Variants in F8 observed in about 807,000 individuals in gnomAD.
F8 encodes antihemophilic factor.
A neutral mutation model predicts 140.6 loss-of-function variants in F8; 12 were observed. The ratio of observed to expected loss-of-function variants is 0.09; its 90% CI spans 0.05 to 0.14. The LOEUF (loss-of-function observed/expected upper bound fraction) is 0.14. F8 is among the 10% of genes least tolerant of loss of function. F8 has a pLI of 1.00. For synonymous variants in F8, 585 were observed against 614.6 expected (o/e 0.95, Z 0.71); for missense variants, 1,354 against 1,720.7 (o/e 0.79, Z 3.77).
intron 1 of F8, among the ~76,000 whole-genome samples, chrX:155,018,284 T>C (rs1557287220): frequency 8.9e-6 from 1 of 112,258 alleles, no homozygotes; most frequent in African/African-American, 3.2e-5. Context: ...AATAAAGGTA[T>C]ATGGAGCTAG....
chrX:154,876,277 A>G (rs113438177), intron 22 of F8, among the ~76,000 whole-genome samples: 1,252 of 108,446 alleles, frequency 0.012, 21 homozygotes, highest in African/African-American at 0.031. Context: ...CCACCACCAC[A>G]CCCAGCTAAT....
chrX:154,860,711 C>A (rs28370248), intron 24 of F8, 103 bp from the exon 25 acceptor site: 21,433 of 804,000 alleles, frequency 0.027, 281 homozygotes, highest in Non-Finnish European at 0.032. Flanking sequence ...ACTCTACTTT[C>A]TTTTTTGAGA....
intron 1 of F8, among the ~76,000 whole-genome samples, chrX:155,004,097 C>T (rs2073664405): frequency 9.1e-6 from 1 of 110,065 alleles, no homozygotes; most frequent in African/African-American, 3.3e-5. Flanking sequence ...GGGAAAAACA[C>T]TTTATCCATA....
chrX:154,881,484 T>C (rs1293629092), intron 22 of F8, among the ~76,000 whole-genome samples: 3 of 109,485 alleles, frequency 2.7e-5, no homozygotes, highest in African/African-American at 1.0e-4. Flanking sequence ...TGACCACTCT[T>C]TATACACTAT....
chrX:154,904,142 C>T, intron 17 of F8, 54 bp from the exon 18 acceptor site: 1 of 1,168,990 alleles, frequency 8.6e-7, no homozygotes, highest in Admixed American at 2.2e-5. Flanking sequence ...GTTTCTTTCT[C>T]TCCACTCCAC....
At chrX:154,919,625 T>C (rs947482564) in intron 14 of F8, 9 of 712,357 alleles carry the variant, frequency 1.3e-5, no homozygotes, top group Admixed American at 5.7e-5. Context: ...TTCATTTCTG[T>C]CTTCAGCATC....
chrX:154,959,020 T>C (rs2073380959), intron 10 of F8, among the ~76,000 whole-genome samples: 3 of 111,814 alleles, frequency 2.7e-5, no homozygotes, highest in African/African-American at 9.8e-5. Context: ...GAGAATATAC[T>C]TCCAGAAAAA....
At chrX:155,008,864 GC>G in intron 1 of F8, among the ~76,000 whole-genome samples, 1 of 109,293 alleles carries the variant, frequency 9.1e-6, no homozygotes, top group South Asian at 4.0e-4. Context: ...GGACACAGAG[GC>G]CTGGACATGT....
chrX:154,931,591 G>C lies in F8; in HGVS notation c.2199C>G (p.Asn733Lys). Residue 733 changes from asparagine to lysine, a missense_variant, in exon 14 of 26, where the codon AAC becomes AAG. By Grantham distance (94) the Asn-to-Lys change is moderately conservative. Coordinates refer to ENST00000360256, the MANE Select transcript of F8 (RefSeq NM_000132.4). ...ALLKVSSCDK[N>K]TGDYYEDSYE... ...AACTGTCCTCGTAATAATCACCAGT[G>C]TTCTTGTCACAACTAGAAACCTTCA... is the stretch of plus-strand genomic sequence containing the variant. The C allele has an allele frequency of 8.3e-7, 1 of 1,211,252 alleles. No homozygotes were observed. Among genetic ancestry groups the C allele is most frequent in the Non-Finnish European group, 1.1e-6 (1 of 895,042 alleles).
At chrX:154,867,791 A>G (rs2072743784) in intron 22 of F8, among the ~76,000 whole-genome samples, 1 of 110,681 alleles carries the variant, frequency 9.0e-6, no homozygotes, top group Non-Finnish European at 1.9e-5. Flanking sequence ...AAAATCCTCA[A>G]CAAAACACCA....
At chrX:154,939,336 C>A (rs188044045) in intron 13 of F8, among the ~76,000 whole-genome samples, 4 of 112,358 alleles carry the variant, frequency 3.6e-5, no homozygotes, top group Non-Finnish European at 7.5e-5. Flanking sequence ...GCTCTTCCAA[C>A]GGGCTTAACA....
rs782721130 is a variant in F8, at chrX:154,961,091, T to A, written c.1521A>T (p.Ser507=). 8.4e-7 allele frequency: 1 copy of A among 1,197,061 alleles called. No individual in the cohort carries two copies. Among genetic ancestry groups the A allele is most frequent in the Admixed American group, 2.2e-5 (1 of 46,018 alleles). ...AATATTTACCTTTTGGTAATCTCCTTGAATACAAAGGACGGACATCAGTGA... is the reference window on the plus strand; with the variant it reads ...AATATTTACCTTTTGGTAATCTCCTAGAATACAAAGGACGGACATCAGTGA... ...HGITDVRPLY[S]RRLPKGVKHL... Residue 507 remains serine (S), a synonymous_variant, in exon 10 of 26, where the codon TCA becomes TCT. Coordinates refer to ENST00000360256, the MANE Select transcript of F8 (RefSeq NM_000132.4).
At chrX:154,839,402 G>A (rs914994942) in intron 25 of F8, among the ~76,000 whole-genome samples, 11 of 101,722 alleles carry the variant, frequency 1.1e-4, no homozygotes, top group African/African-American at 2.6e-4. Flanking sequence ...TCGCTCTGTC[G>A]CCCAGGCTGG....
At chrX:154,974,162 G>C (rs915810693) in intron 6 of F8, among the ~76,000 whole-genome samples, 2 of 112,044 alleles carry the variant, frequency 1.8e-5, no homozygotes, top group East Asian at 5.6e-4. Flanking sequence ...TGGATGTCTT[G>C]CCTAATTGCT....
In F8 at chrX:154,876,320, C is replaced by CGT. The variant is rs201742795; in HGVS notation, c.6430-13095_6430-13094dup. Among the ~76,000 whole-genome samples, 808 of 109,916 alleles carry CGT rather than the reference C, an allele frequency of 7.4e-3. 12 individuals carry two copies. Among genetic ancestry groups the CGT allele is most frequent in the African/African-American group, 0.024 (734 of 30,131 alleles). Reference sequence around the variant, plus strand: ...ATTTTTAGTAGAGACGGTGTTTCACCGTGTTAGCCAGGATGGTCTCAATCT... The same window carrying CGT: ...ATTTTTAGTAGAGACGGTGTTTCACCGTGTGTTAGCCAGGATGGTCTCAATCT... On this transcript the variant is annotated intron_variant, in intron 22 of 25. Coordinates refer to ENST00000360256, the MANE Select transcript of F8 (RefSeq NM_000132.4).
At chrX:154,855,752 C>T (rs2072646746) in intron 25 of F8, among the ~76,000 whole-genome samples, 1 of 110,376 alleles carries the variant, frequency 9.1e-6, no homozygotes, top group Non-Finnish European at 1.9e-5. Flanking sequence ...TCCTTCAGGA[C>T]CCACCCTACC....
Position 154,930,964 on chromosome X carries a change from G to A in F8, c.2826C>T (p.Gly942=). 1.7e-6 allele frequency: 2 copies of A among 1,192,831 alleles called. No individual in the cohort carries two copies. The highest frequency in any genetic ancestry group is 2.3e-6 in the Non-Finnish European group (2 of 886,929). ...YDSQLDTTLF[G]KKSSPLTESG... is the part of the protein sequence containing the mutation. ...ACTCAGTAAGGGGAGATGACTTTTT[G>A]CCAAATAGAGTGGTATCTAATTGAC... The change falls in exon 14 of 26, where the codon GGC becomes GGT. Residue 942 remains glycine, a synonymous_variant. Coordinates refer to ENST00000360256, the MANE Select transcript of F8 (RefSeq NM_000132.4).
chrX:154,835,908 T>A lies in F8; in HGVS notation c.*1689A>T, dbSNP rs1255020462. The A allele has an allele frequency of 1.8e-5, 2 of 112,230 alleles. No individual in the cohort carries two copies. Among genetic ancestry groups the A allele is most frequent in the African/African-American group, 3.2e-5 (1 of 30,885 alleles). The allele number at this position is 112,230 out of a possible 1,213,427, so 9.2% of individuals were successfully genotyped here. ...ATGTATATAGTCAATGGGAAAAGAA[T>A]GCCAAAATAAGATTATCAAGTTAAA... is the stretch of plus-strand genomic sequence containing the variant. On this transcript the variant is annotated 3_prime_UTR_variant, in exon 26 of 26. Coordinates refer to ENST00000360256, the MANE Select transcript of F8 (RefSeq NM_000132.4).
intron 25 of F8, among the ~76,000 whole-genome samples, chrX:154,851,506 C>G (rs926575857): frequency 2.7e-5 from 3 of 111,626 alleles, no homozygotes; most frequent in Non-Finnish European, 1.9e-5. Context: ...ACATTCTCAT[C>G]ATCAAGGAAG....
Sources: gnomAD v4.1 joint callset for allele counts (sites outside exome capture counted in the v4.1 genomes callset) on GRCh38, gnomAD v4.1.1 for gene constraint, MANE v1.5 for transcripts, NCBI Gene and HGNC (gene_info 2026-07-23, HGNC 2026-07-21) for gene names.